DOP1B: variants seen among roughly 807,000 people sequenced by gnomAD.
The protein encoded by DOP1B is protein DOP1B.
In DOP1B, 174 loss-of-function variants were observed where a neutral mutation model predicts 233.5. That is an observed-to-expected ratio of 0.75 (90% confidence interval 0.66 to 0.85). The LOEUF (loss-of-function observed/expected upper bound fraction) is 0.85, where lower values mean the gene tolerates loss of function less well. DOP1B is among the 40% of genes least tolerant of loss of function. The pLI, the probability that DOP1B is intolerant of heterozygous loss-of-function variation, is 0.00. For missense variants in DOP1B, 2,652 were observed against 2,846.6 expected, an observed-to-expected ratio of 0.93 and a Z score of 1.56; for synonymous variants, 1,190 against 1,185.6, an observed-to-expected ratio of 1.00 and a Z score of -0.08.
rs1475161761 is a variant in DOP1B at position 36,245,793 on chromosome 21, C to T, written c.3813C>T (p.Ser1271=). ...CCAGGACTAGCATGGATACCAGCTC[C>T]ACCGCGCACCTCAACCTCATCTCCA... ...AVSRTSMDTS[S]TAHLNLISNL... Residue 1271 remains serine (S), a synonymous_variant, in exon 19 of 37, where the codon TCC becomes TCT. Coordinates refer to ENST00000691173, the MANE Select transcript of DOP1B (RefSeq NM_001320714.2). The surrounding 1 kb of genome is among the most constrained non-coding windows in gnomAD (Gnocchi z 5.5). The T allele has an allele frequency of 1.9e-6, 3 of 1,614,010 alleles. No individual in the cohort carries two copies. The highest frequency in any genetic ancestry group is 2.2e-5 in the East Asian group (1 of 44,872).
At chr21:36,289,321 T>C (rs1201659976) in intron 35 of DOP1B, 115 bp downstream of exon 35, 7 of 1,084,046 alleles carry the variant, frequency 6.5e-6, no homozygotes, top group Admixed American at 2.6e-5. Flanking sequence ...TCTGGGTTTC[T>C]AGTGACAGCT....
chr21:36,223,664 C>A (rs1165218350), intron 11 of DOP1B, among the ~76,000 whole-genome samples: 1 of 152,102 alleles, frequency 6.6e-6, no homozygotes, highest in Non-Finnish European at 1.5e-5. Context: ...CCTGGCTGCC[C>A]GATCTATTGA....
intron 24 of DOP1B, chr21:36,261,375 A>G (rs975533906): frequency 6.0e-6 from 6 of 996,322 alleles, no homozygotes; most frequent in Non-Finnish European, 7.2e-6. Flanking sequence ...AAAAAAAAAA[A>G]AAAAAAAAAG....
intron 23 of DOP1B, among the ~76,000 whole-genome samples, chr21:36,258,750 C>G (rs1051158398): frequency 5.3e-5 from 8 of 152,280 alleles, no homozygotes; most frequent in African/African-American, 1.9e-4. Context: ...GCAATTCCTG[C>G]CCTCAGTCCT....
Position 36,236,414 on chromosome 21 carries a change from G to A in DOP1B, c.2623-848G>A, listed in dbSNP as rs76886927. Among the ~76,000 whole-genome samples, 820 of 152,354 alleles carry A rather than the reference G, an allele frequency of 5.4e-3. 10 individuals carry two copies. Among genetic ancestry groups the A allele is most frequent in the African/African-American group, 0.019 (792 of 41,580 alleles). ...GTTAGTGGAATTAAAGCTGGTAGGC[G>A]TGGCTCTTTATCCATGCTGCGTGGT... On this transcript the variant is annotated intron_variant, in intron 15 of 36. Coordinates refer to ENST00000691173, the MANE Select transcript of DOP1B (RefSeq NM_001320714.2).
intron 2 of DOP1B, among the ~76,000 whole-genome samples, chr21:36,173,868 A>C (rs939374129): frequency 4.9e-5 from 2 of 41,100 alleles, no homozygotes; most frequent in Non-Finnish European, 1.1e-4. Context: ...AAAGCTCTTT[A>C]AAAAAAAAAA....
At chr21:36,249,905 A>G (rs370974356) in intron 21 of DOP1B, among the ~76,000 whole-genome samples, 2 of 152,294 alleles carry the variant, frequency 1.3e-5, no homozygotes, top group African/African-American at 2.4e-5. Context: ...TCAAGCTCCT[A>G]TAAGAACCTG....
At chr21:36,201,400 T>C (rs1363936391) in intron 4 of DOP1B, among the ~76,000 whole-genome samples, 1 of 133,572 alleles carries the variant, frequency 7.5e-6, no homozygotes, top group African/African-American at 3.0e-5. Flanking sequence ...CAGGCTGGAG[T>C]GCAGTGGTGC....
chr21:36,242,374 A>G (rs1281646281), intron 18 of DOP1B, among the ~76,000 whole-genome samples: 1 of 152,012 alleles, frequency 6.6e-6, no homozygotes, highest in Non-Finnish European at 1.5e-5. Flanking sequence ...GGGTTTCACC[A>G]TGTTAGCCAG....
At chr21:36,237,471 G>T in intron 16 of DOP1B, 57 bp downstream of exon 16, 1 of 1,595,986 alleles carries the variant, frequency 6.3e-7, no homozygotes, top group Non-Finnish European at 8.5e-7. Context: ...TGCTGTACGT[G>T]CCCTTAGCCA....
intron 23 of DOP1B, among the ~76,000 whole-genome samples, chr21:36,258,886 C>T (rs746171025): frequency 2.6e-5 from 4 of 151,994 alleles, no homozygotes; most frequent in Non-Finnish European, 5.9e-5. Flanking sequence ...TAAAAGGACC[C>T]GGATGACTTC....
intron 2 of DOP1B, among the ~76,000 whole-genome samples, chr21:36,176,030 G>T (rs1039404134): frequency 3.3e-5 from 5 of 151,658 alleles, no homozygotes; most frequent in African/African-American, 1.2e-4. Flanking sequence ...CAGAGGAAGT[G>T]TGATTTCTTT....
At position 36,182,917 on chromosome 21, in the gene DOP1B, C is replaced by G. The variant is rs530005072; in HGVS notation, c.139-16153C>G. ...GATGTCACTGAGCCCTTGCAGGAAC[C>G]AAATGCAGAAATGAGCTCCTTTAGC... On this transcript the variant is annotated intron_variant, in intron 2 of 36. Coordinates refer to ENST00000691173, the MANE Select transcript of DOP1B (RefSeq NM_001320714.2). Among the ~76,000 whole-genome samples, 82 of 152,328 alleles carry G rather than the reference C, an allele frequency of 5.4e-4. 1 individual carries two copies. The South Asian group carries it at 0.016, about 30-fold the overall frequency.
chr21:36,263,140 A>G (rs1318413084), intron 24 of DOP1B, among the ~76,000 whole-genome samples: 2 of 149,878 alleles, frequency 1.3e-5, no homozygotes, highest in Non-Finnish European at 3.0e-5. Flanking sequence ...AGGCTGAGGC[A>G]GGAGAATCGC....
chr21:36,161,847 G>A (rs904130484), intron 1 of DOP1B, among the ~76,000 whole-genome samples: 2 of 152,124 alleles, frequency 1.3e-5, no homozygotes, highest in Non-Finnish European at 2.9e-5. Context: ...TCATATCAAT[G>A]GAATCATACA....
chr21:36,163,795 A>G (rs889047182), intron 1 of DOP1B, among the ~76,000 whole-genome samples: 2 of 152,354 alleles, frequency 1.3e-5, no homozygotes, highest in South Asian at 4.1e-4. Context: ...CGGGGTTGGC[A>G]TGTGGTGCCT....
At chr21:36,170,003 CT>C in intron 2 of DOP1B, 1 of 754,186 alleles carries the variant, frequency 1.3e-6, no homozygotes, top group Non-Finnish European at 2.5e-6. Context: ...GGCCTGTCGA[CT>C]TCCCGTGTGA....
chr21:36,231,058 G>A lies in DOP1B; in HGVS notation c.2274G>A (p.Leu758=), dbSNP rs1470637050. The change falls in exon 14 of 37, where the codon CTG becomes CTA. Residue 758 remains leucine (L), a synonymous_variant. Transcript: ENST00000691173. ...TTGCCGCCGCCTGCCACCTGCTGCT[G>A]GATTGTGCCACTTTCCCTGTCTACC... ...EAFAAACHLL[L]DCATFPVYLS... 6.2e-7 allele frequency: 1 copy of A among 1,613,780 alleles called. No homozygotes were observed. The highest frequency in any genetic ancestry group is 1.3e-5 in the African/African-American group (1 of 74,896).
In DOP1B at chr21:36,245,164, G is replaced by A; in HGVS notation, c.3184G>A (p.Val1062Met). Residue 1062 changes from valine to methionine, a missense_variant, in exon 19 of 37, where the codon GTG becomes ATG. Val to Met is a conservative substitution (Grantham distance 21). Around this residue, in one of 3 missense-constraint regions of DOP1B, gnomAD observed 2,617 missense variants for 2,794.3 expected, o/e 0.94. Coordinates refer to ENST00000691173, the MANE Select transcript of DOP1B (RefSeq NM_001320714.2). This position sits in a 1 kb window ranked among gnomAD's most constrained non-coding sequence, Gnocchi z 5.5. ...CCTGCCTCTGAGCCAGTTCACCACA[G>A]TGGACCGTGAAGCCATTTGGGCCGA... is the stretch of plus-strand genomic sequence containing the variant. ...EHLPLSQFTT[V>M]DREAIWAEVE... 1 of 1,614,050 alleles carries A rather than the reference G, an allele frequency of 6.2e-7. No individual in the cohort carries two copies. Among genetic ancestry groups the A allele is most frequent in the South Asian group, 1.1e-5 (1 of 91,084 alleles).
Sources: allele counts gnomAD v4.1 joint callset (sites outside exome capture counted in the v4.1 genomes callset), GRCh38; gene constraint gnomAD v4.1.1; regional missense constraint gnomAD v4.1.1; non-coding constraint Gnocchi (gnomAD v3.1); transcripts MANE v1.5; gene names NCBI Gene and HGNC (gene_info 2026-07-23, HGNC 2026-07-21).